FAM53A: variants seen among roughly 807,000 people sequenced by gnomAD.
FAM53A encodes the protein protein FAM53A.
Under a neutral mutation model 26.6 loss-of-function variants are expected in FAM53A, and 28 were observed. The ratio of observed to expected loss-of-function variants is 1.05; its 90% CI spans 0.78 to 1.45. The LOEUF is 1.45. FAM53A is among the 40% of genes most tolerant of loss of function. The probability of loss-of-function intolerance (pLI) is 0.00; values close to 1 mark genes in which losing one functional copy is unlikely to be tolerated. For missense variants in FAM53A, 650 were observed against 575.8 expected (o/e 1.13, Z -1.32); for synonymous variants, 290 against 253.1 (o/e 1.15, Z -1.38).
the FAM53A span, among the ~76,000 whole-genome samples, chr4:1,612,371 C>T: frequency 3.9e-5 from 6 of 152,324 alleles, no homozygotes; most frequent in East Asian, 5.8e-4. Context: ...GTTAAAGTGG[C>T]TACTGGGCTC....
Position 1,641,449 on chromosome 4 carries a change from AG to A in FAM53A, c.1040del (p.Pro347LeufsTer13), listed in dbSNP as rs761712884. 5.6e-6 allele frequency: 9 copies of A among 1,613,890 alleles called. No homozygotes were observed. Among genetic ancestry groups the A allele is most frequent in the Non-Finnish European group, 7.6e-6 (9 of 1,179,954 alleles). On this transcript the variant is annotated frameshift_variant, in exon 5 of 5. Transcript: ENST00000308132. LOFTEE classifies it low-confidence loss of function (END_TRUNC). Reference protein sequence around the residue: ...GCSQRGLRTSPVHPNLWASRE... With the variant: ...GCSQRGLRTSXVHPNLWASRE... Reference sequence around the variant, plus strand: ...TAGAGGCCCACAGGTTGGGGTGGACAGGGCTGGTCCTGAGGCCCCTCTGGCT... The same window carrying A: ...TAGAGGCCCACAGGTTGGGGTGGACAGGCTGGTCCTGAGGCCCCTCTGGCT...
At chr4:1,623,000 G>A (rs1345962430) in intron 1 of FAM53A, among the ~76,000 whole-genome samples, 1 of 152,324 alleles carries the variant, frequency 6.6e-6, no homozygotes, top group East Asian at 1.9e-4. Context: ...TCGCTCTTGT[G>A]CCCATGGGGA....
At chr4:1,583,323 C>A in the FAM53A span, among the ~76,000 whole-genome samples, 1 of 152,144 alleles carries the variant, frequency 6.6e-6, no homozygotes, top group Non-Finnish European at 1.5e-5. Context: ...CAGGTCTGCC[C>A]CATGAAGAAG....
chr4:1,590,955 C>CATAT, the FAM53A span, among the ~76,000 whole-genome samples: 369 of 46,166 alleles, frequency 8.0e-3, 14 homozygotes, highest in Non-Finnish European at 0.012. Context: ...TTATTTAATG[C>CATAT]ATATATATAT....
At chr4:1,674,723 T>A (rs970547725) in intron 1 of FAM53A, among the ~76,000 whole-genome samples, 2 of 151,428 alleles carry the variant, frequency 1.3e-5, no homozygotes, top group African/African-American at 4.8e-5. Context: ...CTAAATAAAG[T>A]CACATTTGCA....
intron 1 of FAM53A, among the ~76,000 whole-genome samples, chr4:1,619,986 G>T (rs1294517010): frequency 6.6e-6 from 1 of 151,774 alleles, no homozygotes; most frequent in African/African-American, 2.4e-5. Context: ...GAGGTGGGCA[G>T]ATCACAAGGT....
At chr4:1,623,315 G>A (rs1241982717) in intron 1 of FAM53A, among the ~76,000 whole-genome samples, 5 of 146,936 alleles carry the variant, frequency 3.4e-5, no homozygotes, top group African/African-American at 1.3e-4. Flanking sequence ...TCAGGAAGAG[G>A]CCTGGCTCCT....
chr4:1,609,563 T>C, the FAM53A span, among the ~76,000 whole-genome samples: 2 of 152,056 alleles, frequency 1.3e-5, no homozygotes. Flanking sequence ...GCTTCCCCCT[T>C]CGCCAGGCTC....
chr4:1,626,213 A>G (rs999296950), intron 1 of FAM53A, among the ~76,000 whole-genome samples: 1 of 152,040 alleles, frequency 6.6e-6, no homozygotes, highest in African/African-American at 2.4e-5. Flanking sequence ...GCCCAGGAGG[A>G]GGAGGTAGGG....
chr4:1,634,488 C>G (rs957121477), intron 1 of FAM53A, among the ~76,000 whole-genome samples: 3 of 152,204 alleles, frequency 2.0e-5, no homozygotes, highest in African/African-American at 7.2e-5. Context: ...GGTTTCACAT[C>G]AAGATCATAC....
At chr4:1,649,096 A>G (rs1011729708) in intron 4 of FAM53A, among the ~76,000 whole-genome samples, 1 of 150,154 alleles carries the variant, frequency 6.7e-6, no homozygotes, top group Non-Finnish European at 1.5e-5. Context: ...GTGGGCAACA[A>G]GAGCAAAACA....
rs1713642126 is a variant in FAM53A at position 1,659,192 on chromosome 4, C to T, written c.76-1724G>A. Among the ~76,000 whole-genome samples the T allele has an allele frequency of 1.3e-5, 2 of 152,176 alleles. No homozygotes were observed. Among genetic ancestry groups the T allele is most frequent in the African/African-American group, 2.4e-5 (1 of 41,436 alleles). On this transcript the variant is annotated intron_variant, in intron 2 of 4. Transcript: ENST00000308132. This position sits in a 1 kb window ranked among gnomAD's most constrained non-coding sequence, Gnocchi z 5.2. ...CACACCATGAGGACAGGGCCTGGTG[C>T]GGGCCCGGGAACCACACGACCTCCA...
the FAM53A span, among the ~76,000 whole-genome samples, chr4:1,595,951 G>A: frequency 2.6e-5 from 4 of 152,228 alleles, no homozygotes; most frequent in South Asian, 2.1e-4. Flanking sequence ...CCTGGTCACT[G>A]TCTGCCCAAG....
Position 1,649,176 on chromosome 4 carries a change from A to AGAGGGAAAGGGAAGGGGAAG in FAM53A, c.882+5801_882+5802insCTTCCCCTTCCCTTTCCCTC, listed in dbSNP as rs1560151153. The stretch of plus-strand genomic sequence containing the variant: ...AGGGGAAAGGGAAGGGGAAAGGGAA[A>AGAGGGAAAGGGAAGGGGAAG]GGGAAGGGGAAGGGGAAGGGGAAAG... On this transcript the variant is annotated intron_variant, in intron 4 of 4. Transcript: ENST00000308132. Among the ~76,000 whole-genome samples the AGAGGGAAAGGGAAGGGGAAG allele has an allele frequency of 8.2e-3, 869 of 106,124 alleles. 14 individuals carry two copies. Among genetic ancestry groups the AGAGGGAAAGGGAAGGGGAAG allele is most frequent in the African/African-American group, 0.04 (833 of 20,830 alleles). 69.6% of individuals were successfully genotyped at this position (106,124 alleles called of 152,430 possible).
At position 1,641,260 on chromosome 4, in the gene FAM53A, G is replaced by A. The variant is rs763339855; in HGVS notation, c.*33C>T. On this transcript the variant is annotated 3_prime_UTR_variant, in exon 5 of 5. Transcript: ENST00000308132. ...TCTGTGCCCCAGGGCAGGTGCAGGC[G>A]GCAGCCATGGCCCCGACCAGCCCCC... is the stretch of plus-strand genomic sequence containing the variant. 4.7e-5 allele frequency: 75 copies of A among 1,609,406 alleles called. No individual in the cohort carries two copies. In the East Asian group the frequency reaches 6.9e-4, roughly 15 times the overall value.
At position 1,641,046 on chromosome 4, in the gene FAM53A, AAACCTACTCTGTGCCCCAGGGC is replaced by A; in HGVS notation, c.*225_*246del. ...GCCGTGGCCCCGACCAGCTCACAGG[AAACCTACTCTGTGCCCCAGGGC>A]AGGTGCCGGCGGCAGCCGTGGCCCC... On this transcript the variant is annotated 3_prime_UTR_variant, in exon 5 of 5. Transcript: ENST00000308132. 1.9e-6 allele frequency: 1 copy of A among 530,496 alleles called. No homozygotes were observed. The highest frequency in any genetic ancestry group is 3.2e-6 in the Non-Finnish European group (1 of 309,086). The allele number at this position is 530,496 out of a possible 1,614,324, so 32.9% of individuals were successfully genotyped here. A position where few individuals can be genotyped will look rare whatever the true frequency, so the allele number is the denominator to read the frequency against.
chr4:1,616,625 T>A (rs572978228), downstream of FAM53A, among the ~76,000 whole-genome samples: 7 of 152,354 alleles, frequency 4.6e-5, no homozygotes, highest in East Asian at 1.3e-3. Flanking sequence ...CATTCTTGAA[T>A]TGAGCAGCTG....
the FAM53A span, among the ~76,000 whole-genome samples, chr4:1,598,644 G>A: frequency 6.6e-6 from 1 of 152,104 alleles, no homozygotes. Flanking sequence ...GCATAGTAAT[G>A]TGTCTTTAAA....
chr4:1,641,661 C>T, intron 4 of FAM53A, 54 bp from the exon 5 acceptor site: 1 of 1,582,796 alleles, frequency 6.3e-7, no homozygotes, highest in Non-Finnish European at 8.6e-7. Flanking sequence ...ACACAGGAGG[C>T]AGCATCCCAC....
Sources: allele counts gnomAD v4.1 joint callset (sites outside exome capture counted in the v4.1 genomes callset), GRCh38; gene constraint gnomAD v4.1.1; non-coding constraint Gnocchi (gnomAD v3.1); transcripts MANE v1.5; gene names NCBI Gene and HGNC (gene_info 2026-07-23, HGNC 2026-07-21).